Variants in MMP16 observed in about 807,000 individuals in gnomAD.
MMP16 encodes matrix metalloproteinase-16.
Under a neutral mutation model 67.8 loss-of-function variants are expected in MMP16, and 12 were observed. The ratio of observed to expected loss-of-function variants is 0.18; its 90% CI spans 0.11 to 0.29. The LOEUF is 0.29. Ranked by LOEUF, MMP16 falls within the 10% of genes least tolerant of loss-of-function variation. The pLI is 1.00. For missense variants in MMP16, 475 were observed against 765.7 expected, an observed-to-expected ratio of 0.62 and a Z score of 4.48; for synonymous variants, 249 against 255.9, an observed-to-expected ratio of 0.97 and a Z score of 0.26.
At chr8:88,165,614 T>G (rs915427493) in intron 4 of MMP16, among the ~76,000 whole-genome samples, 1 of 152,084 alleles carries the variant, frequency 6.6e-6, no homozygotes, top group South Asian at 2.1e-4. Flanking sequence ...CTGTGTGATT[T>G]TGAAAAAACA....
intron 1 of MMP16, among the ~76,000 whole-genome samples, chr8:88,308,309 A>G (rs139186252): frequency 1.1e-3 from 164 of 152,212 alleles, no homozygotes; most frequent in South Asian, 1.9e-3. Flanking sequence ...TTATGAGGCT[A>G]AGACGTAGGA....
At chr8:88,277,823 T>C (rs998369527) in intron 1 of MMP16, among the ~76,000 whole-genome samples, 2 of 152,208 alleles carry the variant, frequency 1.3e-5, no homozygotes, top group Non-Finnish European at 2.9e-5. Context: ...ATTGGGTCTA[T>C]GCATTTTCAG....
rs185205955 is a variant in MMP16, at chr8:88,296,331, T to C, written c.132+30744A>G. 3.5e-3 allele frequency among the ~76,000 whole-genome samples: 538 copies of C among 152,282 alleles called. 3 individuals carry two copies. The highest frequency in any genetic ancestry group is 4.5e-3 in the Non-Finnish European group (309 of 68,008). ...ATAATAATTGTGTATATTTACAGAG[T>C]ACAATGTGATTTTCTGTCTGTATAT... On this transcript the variant is annotated intron_variant, in intron 1 of 9. Transcript: ENST00000286614.
chr8:88,300,597 GT>G (rs1423531457), intron 1 of MMP16, among the ~76,000 whole-genome samples: 2 of 152,122 alleles, frequency 1.3e-5, no homozygotes, highest in Admixed American at 6.5e-5. Context: ...AGTTATTGTT[GT>G]TAATCTTTCA....
At position 88,297,337 on chromosome 8, in the gene MMP16, C is replaced by T. The variant is rs904419009; in HGVS notation, c.132+29738G>A. Among the ~76,000 whole-genome samples the T allele has an allele frequency of 4.6e-5, 7 of 152,122 alleles. No individual in the cohort carries two copies. The East Asian group carries it at 1.3e-3, about 29-fold the overall frequency. The stretch of plus-strand genomic sequence containing the variant: ...ATAGAAGCCCTGTAGAAGTGTTCTC[C>T]CCAAACTCAAACGACTTCTGGATAA... On this transcript the variant is annotated intron_variant, in intron 1 of 9. Coordinates refer to ENST00000286614, the MANE Select transcript of MMP16 (RefSeq NM_005941.5).
chr8:88,134,768 T>C (rs1808090530), intron 4 of MMP16, among the ~76,000 whole-genome samples: 1 of 151,610 alleles, frequency 6.6e-6, no homozygotes, highest in Non-Finnish European at 1.5e-5. Flanking sequence ...CTTGCTTGGC[T>C]AGACATGTGT....
intron 1 of MMP16, among the ~76,000 whole-genome samples, chr8:88,238,195 T>C (rs571980024): frequency 1.3e-3 from 194 of 152,124 alleles, no homozygotes; most frequent in Non-Finnish European, 2.3e-3. Context: ...AAGGGGAAAA[T>C]ACACACATCA....
At chr8:88,192,045 T>A (rs1809176862) in intron 2 of MMP16, among the ~76,000 whole-genome samples, 1 of 152,222 alleles carries the variant, frequency 6.6e-6, no homozygotes, top group Non-Finnish European at 1.5e-5. Context: ...CCATTCTCCA[T>A]ACTTTCACAA....
chr8:88,190,143 T>C (rs921992206), intron 2 of MMP16, among the ~76,000 whole-genome samples: 1 of 152,156 alleles, frequency 6.6e-6, no homozygotes, highest in Non-Finnish European at 1.5e-5. Context: ...GCATAACATA[T>C]ATAATATAAT....
At chr8:88,160,110 A>C (rs1443191337) in intron 4 of MMP16, among the ~76,000 whole-genome samples, 1 of 151,792 alleles carries the variant, frequency 6.6e-6, no homozygotes, top group African/African-American at 2.4e-5. Flanking sequence ...TCCTAATGCT[A>C]TCCCTCCCCC....
At chr8:88,316,707 G>T (rs1811380198) in intron 1 of MMP16, among the ~76,000 whole-genome samples, 1 of 152,114 alleles carries the variant, frequency 6.6e-6, no homozygotes, top group Non-Finnish European at 1.5e-5. Flanking sequence ...GCAGCCCATG[G>T]ATCAAAGAGT....
chr8:88,213,099 A>C (rs1809536557), intron 1 of MMP16, among the ~76,000 whole-genome samples: 1 of 152,128 alleles, frequency 6.6e-6, no homozygotes, highest in Non-Finnish European at 1.5e-5. Context: ...AGATGGCCTA[A>C]AACAATGCAT....
intron 6 of MMP16, among the ~76,000 whole-genome samples, chr8:88,093,373 C>T (rs545054059): frequency 3.9e-4 from 59 of 151,786 alleles, no homozygotes; most frequent in African/African-American, 1.3e-3. Context: ...GATAAGTTGC[C>T]ACTTTGGCCC....
intron 1 of MMP16, among the ~76,000 whole-genome samples, chr8:88,304,253 A>C (rs996896658): frequency 6.6e-6 from 1 of 152,210 alleles, no homozygotes; most frequent in Non-Finnish European, 1.5e-5. Context: ...GAGAAAAAAG[A>C]ATGAAAAGGA....
rs750879897 is a variant in MMP16, at chr8:88,074,677, A to G, written c.1150T>C (p.Phe384Leu). 3 of 1,613,822 alleles carry G rather than the reference A, an allele frequency of 1.9e-6. No homozygotes were observed. Among genetic ancestry groups the G allele is most frequent in the Non-Finnish European group, 2.5e-6 (3 of 1,179,804 alleles). ...MDGYPMQITY[F>L]WRGLPPSIDA... is the part of the protein sequence containing the mutation. ...ATACTAGGAGGCAAGCCCCGCCAGAAGTAAGTAATTTGCATTGGGTATCCA... is the reference window on the plus strand; with the variant it reads ...ATACTAGGAGGCAAGCCCCGCCAGAGGTAAGTAATTTGCATTGGGTATCCA... Residue 384 changes from phenylalanine to leucine, a missense_variant, in exon 7 of 10, where the codon TTC becomes CTC. By Grantham distance (22) the Phe-to-Leu change is conservative (BLOSUM62 0). Coordinates refer to ENST00000286614, the MANE Select transcript of MMP16 (RefSeq NM_005941.5).
chr8:88,098,862 A>T (rs1406150830), intron 6 of MMP16, among the ~76,000 whole-genome samples: 1 of 151,916 alleles, frequency 6.6e-6, no homozygotes, highest in Non-Finnish European at 1.5e-5. Context: ...ACTTGCAAAA[A>T]TTTTTATATG....
At chr8:88,135,115 A>G (rs965018208) in intron 4 of MMP16, among the ~76,000 whole-genome samples, 2 of 151,682 alleles carry the variant, frequency 1.3e-5, no homozygotes, top group Non-Finnish European at 2.9e-5. Context: ...GTCCTTTACA[A>G]GTTCCTAATC....
chr8:88,286,247 GT>G (rs1262355072), intron 1 of MMP16, among the ~76,000 whole-genome samples: 2 of 152,030 alleles, frequency 1.3e-5, no homozygotes, highest in East Asian at 3.9e-4. Context: ...AAGCCATTCA[GT>G]GTAAGAATCT....
intron 1 of MMP16, among the ~76,000 whole-genome samples, chr8:88,228,565 T>C (rs1335231569): frequency 3.3e-5 from 5 of 152,068 alleles, no homozygotes; most frequent in Admixed American, 2.0e-4. Flanking sequence ...AATGTGTAGC[T>C]CCTTCTAAGT....
Sources: gnomAD v4.1 joint callset for allele counts (sites outside exome capture counted in the v4.1 genomes callset) on GRCh38, gnomAD v4.1.1 for gene constraint, MANE v1.5 for transcripts, NCBI Gene and HGNC (gene_info 2026-07-23, HGNC 2026-07-21) for gene names.